The following ZNF385D variants were observed in gnomAD, a reference collection of about 807,000 sequenced individuals.
ZNF385D encodes zinc finger protein 659.
In ZNF385D, 15 loss-of-function variants were observed where a neutral mutation model predicts 35.8. The observed-to-expected ratio is 0.42, with a 90% confidence interval of 0.28 to 0.64. The LOEUF (loss-of-function observed/expected upper bound fraction) is 0.64, where lower values mean the gene tolerates loss of function less well. Among genes scored for constraint, ZNF385D ranks in the 30% least tolerant of loss-of-function variants. The pLI is 0.23. For synonymous variants in ZNF385D, 212 were observed against 186.8 expected (o/e 1.13, Z -1.10); for missense variants, 474 against 494.6 (o/e 0.96, Z 0.39).
chr3:21,804,307 T>C (rs762804585), intron 3 of ZNF385D, among the ~76,000 whole-genome samples: 9 of 152,172 alleles, frequency 5.9e-5, no homozygotes, highest in Non-Finnish European at 1.2e-4. Flanking sequence ...GTAAGTGCCA[T>C]CTAGAATTGA....
intron 7 of ZNF385D, among the ~76,000 whole-genome samples, chr3:21,422,401 T>A (rs2125245031): frequency 6.6e-6 from 1 of 152,232 alleles, no homozygotes; most frequent in African/African-American, 2.4e-5. Flanking sequence ...CATATACAGG[T>A]TTGTTATGTA....
intron 1 of ZNF385D, among the ~76,000 whole-genome samples, chr3:21,736,042 G>A (rs1186423684): frequency 1.3e-5 from 2 of 152,224 alleles, no homozygotes; most frequent in Non-Finnish European, 2.9e-5. Flanking sequence ...TACTCAGAAA[G>A]TCTTGGACTG....
chr3:22,071,394 G>T (rs1418347808), intron 3 of ZNF385D, among the ~76,000 whole-genome samples: 2 of 152,086 alleles, frequency 1.3e-5, no homozygotes, highest in Non-Finnish European at 2.9e-5. Flanking sequence ...CCAGAAACCT[G>T]AGGAAGAAAA....
intron 1 of ZNF385D, among the ~76,000 whole-genome samples, chr3:21,749,585 A>G (rs1301553177): frequency 6.6e-6 from 1 of 152,212 alleles, no homozygotes; most frequent in Non-Finnish European, 1.5e-5. Flanking sequence ...CACCTCCATT[A>G]CTACCCACTG....
chr3:22,253,976 A>G (rs974845466), intron 2 of ZNF385D, among the ~76,000 whole-genome samples: 18 of 151,996 alleles, frequency 1.2e-4, no homozygotes, highest in African/African-American at 4.3e-4. Flanking sequence ...ATCCTTTTCC[A>G]AGAAAGAAAT....
intron 3 of ZNF385D, among the ~76,000 whole-genome samples, chr3:21,798,534 C>G (rs908215218): frequency 3.9e-5 from 6 of 152,030 alleles, no homozygotes; most frequent in African/African-American, 1.5e-4. Context: ...AGTTTCTTGT[C>G]TCTTCAATTG....
intron 3 of ZNF385D, among the ~76,000 whole-genome samples, chr3:22,108,810 C>A (rs569669095): frequency 5.9e-5 from 9 of 152,108 alleles, no homozygotes; most frequent in Non-Finnish European, 1.0e-4. Context: ...GTCATGAGTT[C>A]GAGACCAGCC....
At chr3:21,444,563 T>A (rs1166533346) in intron 4 of ZNF385D, among the ~76,000 whole-genome samples, 5 of 151,820 alleles carry the variant, frequency 3.3e-5, no homozygotes, top group African/African-American at 9.7e-5. Context: ...TTTTTTGTAT[T>A]TTTAGTAGAG....
chr3:22,338,124 A>G (rs1355609247), intron 2 of ZNF385D, among the ~76,000 whole-genome samples: 2 of 152,246 alleles, frequency 1.3e-5, no homozygotes, highest in African/African-American at 4.8e-5. Flanking sequence ...AAGTTGAGAA[A>G]CATGAAAAGA....
At chr3:21,620,539 A>G (rs2064974670) in intron 2 of ZNF385D, among the ~76,000 whole-genome samples, 1 of 152,160 alleles carries the variant, frequency 6.6e-6, no homozygotes, top group Non-Finnish European at 1.5e-5. Context: ...CATACTACCC[A>G]TATGCCAGGG....
At chr3:22,368,718 T>C (rs553509793) in intron 2 of ZNF385D, among the ~76,000 whole-genome samples, 116 of 152,302 alleles carry the variant, frequency 7.6e-4, no homozygotes, top group African/African-American at 2.7e-3. Flanking sequence ...ACAGGGGCTC[T>C]ACCCTTATAA....
chr3:22,241,756 AAAAC>A (rs1360972913), intron 2 of ZNF385D, among the ~76,000 whole-genome samples: 7 of 150,972 alleles, frequency 4.6e-5, no homozygotes, highest in Non-Finnish European at 1.0e-4. Context: ...ATACCTAAAA[AAAAC>A]CTTTTTTTTC....
At chr3:21,998,222 T>C (rs576508148) in intron 3 of ZNF385D, among the ~76,000 whole-genome samples, 41 of 152,152 alleles carry the variant, frequency 2.7e-4, no homozygotes, top group Non-Finnish European at 5.4e-4. Flanking sequence ...GGTATAAATG[T>C]AGCCAGGCAG....
chr3:21,686,338 A>C (rs964552861), intron 1 of ZNF385D, among the ~76,000 whole-genome samples: 3 of 152,120 alleles, frequency 2.0e-5, no homozygotes, highest in Non-Finnish European at 4.4e-5. Context: ...AAAAGATATA[A>C]ATATTGTACT....
chr3:22,145,907 A>G (rs113244985), intron 3 of ZNF385D, among the ~76,000 whole-genome samples: 7 of 152,250 alleles, frequency 4.6e-5, no homozygotes, highest in African/African-American at 1.7e-4. Context: ...TAAGAGAGAA[A>G]TGAATCATTT....
chr3:21,814,102 C>A (rs2073048711), intron 3 of ZNF385D, among the ~76,000 whole-genome samples: 1 of 152,130 alleles, frequency 6.6e-6, no homozygotes, highest in Admixed American at 6.6e-5. Flanking sequence ...CCAAACTAAG[C>A]TTCATAAGTG....
intron 3 of ZNF385D, among the ~76,000 whole-genome samples, chr3:21,984,694 TCTG>T (rs1236435990): frequency 8.4e-6 from 1 of 118,498 alleles, no homozygotes; most frequent in Non-Finnish European, 1.8e-5. Flanking sequence ...TTTTTCCAAT[TCTG>T]TGAAGAAAGT....
At chr3:22,097,181 A>T (rs1345692763) in intron 3 of ZNF385D, among the ~76,000 whole-genome samples, 1 of 152,098 alleles carries the variant, frequency 6.6e-6, no homozygotes, top group Non-Finnish European at 1.5e-5. Flanking sequence ...ATCCTTTCTG[A>T]ATTGTAGATT....
chr3:22,063,867 C>G (rs371189833), intron 3 of ZNF385D, among the ~76,000 whole-genome samples: 26 of 152,336 alleles, frequency 1.7e-4, no homozygotes, highest in African/African-American at 5.8e-4. Flanking sequence ...GAGCTCCTTA[C>G]GGGCTGGCTG....
Sources: allele counts gnomAD v4.1 joint callset (sites outside exome capture counted in the v4.1 genomes callset), GRCh38; gene constraint gnomAD v4.1.1; transcripts MANE v1.5; gene names NCBI Gene and HGNC (gene_info 2026-07-23, HGNC 2026-07-21).